BLNK: variants seen among roughly 807,000 people sequenced by gnomAD.
BLNK encodes the protein B cell linker.
Under a neutral mutation model 73.5 loss-of-function variants are expected in BLNK, and 29 were observed. That is an observed-to-expected ratio of 0.39 (90% CI 0.29 to 0.54). BLNK has a LOEUF of 0.54. Among genes scored for constraint, BLNK ranks in the 20% least tolerant of loss-of-function variants. The pLI, the probability that BLNK is intolerant of heterozygous loss-of-function variation, is 0.61. For missense variants in BLNK, 460 were observed against 562.8 expected (o/e 0.82, Z 1.85); for synonymous variants, 176 against 200.8 (o/e 0.88, Z 1.04).
rs2133930828 is a variant in BLNK at position 96,196,791 on chromosome 10, G to A, written c.1251+117C>T. The A allele has an allele frequency of 5.1e-6, 5 of 980,734 alleles. No homozygotes were observed. The East Asian group carries it at 1.0e-4, about 20-fold the overall frequency. The allele number at this position is 980,734 out of a possible 1,614,324, so 60.8% of individuals were successfully genotyped here. A position where few individuals can be genotyped will look rare whatever the true frequency, so the allele number is the denominator to read the frequency against. ...CTTGTTCTCTATGACATTTATGCAA[G>A]CATTAGAACAAGTACTTTTGTATCC... On this transcript the variant is annotated intron_variant, in intron 16 of 16. Transcript: ENST00000224337.
intron 3 of BLNK, chr10:96,239,206 T>C: frequency 2.5e-6 from 1 of 398,586 alleles, no homozygotes; most frequent in South Asian, 1.3e-4. Flanking sequence ...TCAGGGATAT[T>C]GGAAGATGTG....
intron 8 of BLNK, among the ~76,000 whole-genome samples, chr10:96,211,826 A>G (rs2083955377): frequency 6.6e-6 from 1 of 152,262 alleles, no homozygotes; most frequent in South Asian, 2.1e-4. Flanking sequence ...TAACTGGTGT[A>G]TCAAATTGAA....
intron 5 of BLNK, among the ~76,000 whole-genome samples, chr10:96,226,428 C>T (rs1349360302): frequency 6.6e-6 from 1 of 152,182 alleles, no homozygotes; most frequent in Non-Finnish European, 1.5e-5. Flanking sequence ...TGAGATATTA[C>T]ATGTAGAGCC....
At chr10:96,242,713 A>G in intron 3 of BLNK, 22 bp downstream of exon 3, 11 of 1,606,804 alleles carry the variant, frequency 6.8e-6, no homozygotes, top group Non-Finnish European at 6.8e-6. Flanking sequence ...GAGTCAGTTA[A>G]AGTATCTGAG....
At position 96,271,460 on chromosome 10, in the gene BLNK, C is replaced by T. The variant is rs1485967238; in HGVS notation, c.-62G>A. 6.4e-7 allele frequency: 1 copy of T among 1,554,882 alleles called. No individual in the cohort carries two copies. ...CAGTGGTCACGTCAGCAGTTCCTGG[C>T]CCTCCTAGGGAGCAGCATGGTAAGC... On this transcript the variant is annotated 5_prime_UTR_variant, in exon 1 of 17. Coordinates refer to ENST00000224337, the MANE Select transcript of BLNK (RefSeq NM_013314.4).
chr10:96,268,469 T>C (rs1844114025), intron 1 of BLNK, among the ~76,000 whole-genome samples: 1 of 151,622 alleles, frequency 6.6e-6, no homozygotes, highest in Admixed American at 6.6e-5. Context: ...GTCTATGGAC[T>C]CCTACTGACA....
intron 3 of BLNK, among the ~76,000 whole-genome samples, chr10:96,231,563 C>CA (rs1842500436): frequency 2.6e-5 from 4 of 151,902 alleles, no homozygotes; most frequent in Middle Eastern, 3.4e-3. Context: ...CCCATCTCTA[C>CA]AAAAAATAAA....
intron 8 of BLNK, among the ~76,000 whole-genome samples, chr10:96,211,152 C>T (rs912272105): frequency 6.6e-6 from 1 of 152,108 alleles, no homozygotes; most frequent in Non-Finnish European, 1.5e-5. Flanking sequence ...GAATGAGCCA[C>T]GGTGCCTGGC....
intron 16 of BLNK, among the ~76,000 whole-genome samples, chr10:96,193,434 C>T (rs587618104): frequency 3.3e-5 from 5 of 152,276 alleles, no homozygotes; most frequent in African/African-American, 9.6e-5. Context: ...TATCTCATTC[C>T]GTCCCTCTAG....
In BLNK at chr10:96,257,409, G is replaced by A. The variant is rs182657850; in HGVS notation, c.48-10360C>T. 7.9e-5 allele frequency among the ~76,000 whole-genome samples: 12 copies of A among 152,330 alleles called. No individual in the cohort carries two copies. The East Asian group carries it at 2.1e-3, about 27-fold the overall frequency. ...GCCCAAGCCTCGAGCTCGTGACAGCGTGGTACCAAAGGCAATGGAATAACA... is the reference window on the plus strand; with the variant it reads ...GCCCAAGCCTCGAGCTCGTGACAGCATGGTACCAAAGGCAATGGAATAACA... On this transcript the variant is annotated intron_variant, in intron 1 of 16. Coordinates refer to ENST00000224337, the MANE Select transcript of BLNK (RefSeq NM_013314.4).
At chr10:96,238,031 T>C (rs1554905436) in intron 3 of BLNK, among the ~76,000 whole-genome samples, 1 of 152,226 alleles carries the variant, frequency 6.6e-6, no homozygotes, top group Non-Finnish European at 1.5e-5. Flanking sequence ...TGCCAGCTGC[T>C]TGGGGCAATG....
At chr10:96,219,336 C>G (rs1466142510) in intron 6 of BLNK, among the ~76,000 whole-genome samples, 6 of 152,230 alleles carry the variant, frequency 3.9e-5, no homozygotes, top group Non-Finnish European at 8.8e-5. Context: ...ATGGGTTCAC[C>G]TTTTCGGATT....
At position 96,227,392 on chromosome 10, in the gene BLNK, G is replaced by T; in HGVS notation, c.361+18C>A. ...TGGGCCTGGAAGGCCGAGTGCCCAG[G>T]TCTGCGGGGGACCTCACCTATATAC... On this transcript the variant is annotated intron_variant, in intron 5 of 16. Coordinates refer to ENST00000224337, the MANE Select transcript of BLNK (RefSeq NM_013314.4). 6.2e-7 allele frequency: 1 copy of T among 1,612,330 alleles called. No homozygotes were observed. Among genetic ancestry groups the T allele is most frequent in the Non-Finnish European group, 8.5e-7 (1 of 1,179,742 alleles).
At chr10:96,236,132 G>A (rs1344591149) in intron 3 of BLNK, among the ~76,000 whole-genome samples, 1 of 152,096 alleles carries the variant, frequency 6.6e-6, no homozygotes, top group Admixed American at 6.5e-5. Flanking sequence ...TGAGTCAATA[G>A]GAGCACCAGA....
intron 9 of BLNK, 48 bp downstream of exon 9, chr10:96,209,790 T>C (rs782381338): frequency 1.2e-6 from 2 of 1,605,244 alleles, no homozygotes; most frequent in East Asian, 2.2e-5. Context: ...GGTATCACCA[T>C]CCTCACTCCC....
At chr10:96,197,123 T>G in intron 15 of BLNK, 60 bp from the exon 16 acceptor site, 1 of 1,391,820 alleles carries the variant, frequency 7.2e-7, no homozygotes, top group Non-Finnish European at 9.8e-7. Context: ...TTCTACAGGT[T>G]CAAAAAATCA....
In BLNK at chr10:96,242,760, A is replaced by G. The variant is rs1554906562; in HGVS notation, c.138T>C (p.Ser46=). 11 of 1,614,168 alleles carry G rather than the reference A, an allele frequency of 6.8e-6. 1 individual carries two copies. In the South Asian group the frequency reaches 1.1e-4, roughly 16 times the overall value. ...CTGAAGCGTAGTCCCTTCGAGGAAC[A>G]CTTGGAGGTGCTTTGACTTTTAGCC... ...IKKLKVKAPP[S]VPRRDYASES... Residue 46 remains serine, a synonymous_variant, in exon 3 of 17, where the codon AGT becomes AGC. Coordinates refer to ENST00000224337, the MANE Select transcript of BLNK (RefSeq NM_013314.4).
At chr10:96,193,014 T>G (rs2083367660) in intron 16 of BLNK, among the ~76,000 whole-genome samples, 1 of 152,178 alleles carries the variant, frequency 6.6e-6, no homozygotes, top group Admixed American at 6.5e-5. Flanking sequence ...TTGGATGACT[T>G]CCAAGTAGCT....
At chr10:96,254,730 C>T (rs1843440219) in intron 1 of BLNK, among the ~76,000 whole-genome samples, 2 of 152,216 alleles carry the variant, frequency 1.3e-5, no homozygotes, top group East Asian at 3.9e-4. Flanking sequence ...AGGCTGGTCT[C>T]GAACTTCTGA....
Sources: allele counts gnomAD v4.1 joint callset (sites outside exome capture counted in the v4.1 genomes callset), GRCh38; gene constraint gnomAD v4.1.1; transcripts MANE v1.5; gene names NCBI Gene and HGNC (gene_info 2026-07-23, HGNC 2026-07-21).